LPP: variants seen among roughly 807,000 people sequenced by gnomAD.
The protein encoded by LPP is lipoma-preferred partner.
A neutral mutation model predicts 60.4 loss-of-function variants in LPP; 38 were observed. The ratio of observed to expected loss-of-function variants is 0.63; its 90% CI spans 0.49 to 0.83. LPP has a LOEUF of 0.83. Ranked by LOEUF, LPP falls within the 40% of genes least tolerant of loss-of-function variation. LPP has a pLI of 0.00. For missense variants in LPP, 902 were observed against 783.6 expected (o/e 1.15, Z -1.80); for synonymous variants, 328 against 290.8 (o/e 1.13, Z -1.30).
chr3:188,413,793 G>A (rs1785468230), intron 4 of LPP, among the ~76,000 whole-genome samples: 1 of 152,150 alleles, frequency 6.6e-6, no homozygotes, highest in Admixed American at 6.6e-5. Flanking sequence ...GATGGTCAGT[G>A]CAGTTACATT....
intron 3 of LPP, among the ~76,000 whole-genome samples, chr3:188,385,189 C>T (rs529896468): frequency 2.8e-4 from 42 of 152,288 alleles, no homozygotes; most frequent in African/African-American, 1.0e-3. Flanking sequence ...GAACCCCTCA[C>T]CTTCCCATAG....
intron 2 of LPP, among the ~76,000 whole-genome samples, chr3:188,226,709 T>C (rs1257071318): frequency 6.6e-6 from 1 of 152,218 alleles, no homozygotes; most frequent in East Asian, 1.9e-4. Context: ...TACTGAGTAA[T>C]TAATACACCT....
At chr3:188,759,638 G>A (rs1054940213) in intron 8 of LPP, 4 of 156,346 alleles carry the variant, frequency 2.6e-5, no homozygotes, top group African/African-American at 9.6e-5. Context: ...TTACAATCAG[G>A]GCTTTTGTAA....
chr3:188,233,140 A>G (rs967703646), intron 2 of LPP, among the ~76,000 whole-genome samples: 2 of 152,198 alleles, frequency 1.3e-5, no homozygotes, highest in African/African-American at 4.8e-5. Context: ...AATAGCCTCA[A>G]CATTTCTAAT....
chr3:188,280,318 G>A (rs1391249168), intron 2 of LPP, among the ~76,000 whole-genome samples: 1 of 152,196 alleles, frequency 6.6e-6, no homozygotes, highest in Non-Finnish European at 1.5e-5. Context: ...TCTATGAAGG[G>A]TGGAATCGAC....
intron 8 of LPP, among the ~76,000 whole-genome samples, chr3:188,726,619 T>C (rs934926001): frequency 6.6e-6 from 1 of 152,136 alleles, no homozygotes; most frequent in East Asian, 1.9e-4. Context: ...TACAGTGGTA[T>C]TGGAGTGGAA....
At chr3:188,440,216 T>C (rs958652471) in intron 4 of LPP, among the ~76,000 whole-genome samples, 8 of 152,234 alleles carry the variant, frequency 5.3e-5, no homozygotes, top group Non-Finnish European at 7.3e-5. Flanking sequence ...TTAGTATGTT[T>C]GGTAAATGCT....
intron 8 of LPP, chr3:188,743,690 A>T (rs956684266): frequency 6.6e-6 from 1 of 152,134 alleles, no homozygotes; most frequent in African/African-American, 2.4e-5. Flanking sequence ...GTGTACTCCA[A>T]CTTCCTCTGA....
chr3:188,499,830 T>G lies in LPP; in HGVS notation c.306+15126T>G, dbSNP rs376456940. 6.8e-4 allele frequency among the ~76,000 whole-genome samples: 104 copies of G among 152,302 alleles called. 4 individuals are homozygous for G. The South Asian group carries it at 0.021, about 30-fold the overall frequency. ...ATTGTTCAAGGCTTTTAACTATTTA[T>G]TCACGTTAATTTCTAAGTATTTTGT... On this transcript the variant is annotated intron_variant, in intron 5 of 11. Coordinates refer to ENST00000617246, the MANE Select transcript of LPP (RefSeq NM_001375462.1).
intron 4 of LPP, among the ~76,000 whole-genome samples, chr3:188,468,807 A>C (rs2149501336): frequency 6.6e-6 from 1 of 152,250 alleles, no homozygotes; most frequent in East Asian, 1.9e-4. Flanking sequence ...TGGAGGAATA[A>C]AAGGGAGCAA....
intron 2 of LPP, among the ~76,000 whole-genome samples, chr3:188,291,645 C>CA (rs34001206): frequency 0.48 from 46,189 of 96,470 alleles, 10,867 homozygotes; most frequent in Middle Eastern, 0.63. Context: ...GACTCTGTCT[C>CA]AAAAAAAAAA....
At chr3:188,791,842 A>G (rs7630784) in intron 9 of LPP, among the ~76,000 whole-genome samples, 107,671 of 151,930 alleles carry the variant, frequency 0.71, 38,521 homozygotes, top group East Asian at 0.9. Context: ...TTTTTAGTAT[A>G]GATTTTGGTT....
chr3:188,246,618 C>G (rs193163644), intron 2 of LPP, among the ~76,000 whole-genome samples: 3 of 152,110 alleles, frequency 2.0e-5, no homozygotes, highest in Non-Finnish European at 2.9e-5. Context: ...AACATTTTCC[C>G]TGGAAAAGGG....
chr3:188,549,869 C>T (rs1185365003), intron 6 of LPP, among the ~76,000 whole-genome samples: 1 of 152,144 alleles, frequency 6.6e-6, no homozygotes, highest in Non-Finnish European at 1.5e-5. Context: ...AATTCTCGAA[C>T]CCTGTTCTGC....
chr3:188,635,666 G>A (rs1248537167), intron 7 of LPP, among the ~76,000 whole-genome samples: 1 of 152,170 alleles, frequency 6.6e-6, no homozygotes, highest in Non-Finnish European at 1.5e-5. Flanking sequence ...TTCTGGTTTT[G>A]GAATCTGATA....
At chr3:188,447,690 A>T (rs183019334) in intron 4 of LPP, among the ~76,000 whole-genome samples, 116 of 150,690 alleles carry the variant, frequency 7.7e-4, no homozygotes, top group Admixed American at 5.2e-3. Flanking sequence ...CAGGAGAATC[A>T]CTTAAAACCC....
chr3:188,552,775 C>A (rs775311077), intron 6 of LPP, among the ~76,000 whole-genome samples: 1 of 152,188 alleles, frequency 6.6e-6, no homozygotes, highest in Non-Finnish European at 1.5e-5. Context: ...AGATGAGGCT[C>A]ACCTGGATAA....
intron 3 of LPP, among the ~76,000 whole-genome samples, chr3:188,366,900 ATT>A (rs1351616698): frequency 6.9e-6 from 1 of 144,816 alleles, no homozygotes. Flanking sequence ...TAAAGAATTG[ATT>A]TTTTTTTTTT....
intron 2 of LPP, among the ~76,000 whole-genome samples, chr3:188,307,368 A>G (rs1751867280): frequency 6.6e-6 from 1 of 152,212 alleles, no homozygotes; most frequent in Non-Finnish European, 1.5e-5. Context: ...CAAGCTCATT[A>G]AATCAGAATA....
Sources: allele counts gnomAD v4.1 joint callset (sites outside exome capture counted in the v4.1 genomes callset), GRCh38; gene constraint gnomAD v4.1.1; transcripts MANE v1.5; gene names NCBI Gene and HGNC (gene_info 2026-07-23, HGNC 2026-07-21).